ANOS1: variants seen among roughly 807,000 people sequenced by gnomAD.
ANOS1 encodes anosmin-1.
Under a neutral mutation model 59.0 loss-of-function variants are expected in ANOS1, and 6 were observed. That is an observed-to-expected ratio of 0.10 (90% CI 0.06 to 0.20). The LOEUF (loss-of-function observed/expected upper bound fraction) is 0.20. Among genes scored for constraint, ANOS1 ranks in the 10% least tolerant of loss-of-function variants. The probability of loss-of-function intolerance (pLI) is 1.00; values close to 1 mark genes in which losing one functional copy is unlikely to be tolerated. For missense variants in ANOS1, 433 were observed against 542.3 expected (o/e 0.80, Z 2.00); for synonymous variants, 217 against 223.4 (o/e 0.97, Z 0.25).
intron 6 of ANOS1, among the ~76,000 whole-genome samples, chrX:8,582,988 T>C (rs1441124584): frequency 1.8e-5 from 2 of 111,720 alleles, no homozygotes; most frequent in Non-Finnish European, 3.8e-5. Context: ...AAGAGCAGCA[T>C]TGCCGATTAC....
At chrX:8,565,540 C>T (rs1930095897) in intron 8 of ANOS1, among the ~76,000 whole-genome samples, 1 of 111,951 alleles carries the variant, frequency 8.9e-6, no homozygotes, top group Non-Finnish European at 1.9e-5. Context: ...AGAGCAGAAA[C>T]ATAATACTAA....
chrX:8,605,747 C>T (rs970156004), intron 3 of ANOS1, among the ~76,000 whole-genome samples: 3 of 109,596 alleles, frequency 2.7e-5, no homozygotes, highest in Non-Finnish European at 5.7e-5. Context: ...GGTTATGTTC[C>T]AAGAATAACT....
intron 6 of ANOS1, among the ~76,000 whole-genome samples, chrX:8,576,491 TACACACACACACACAC>T (rs769843705): frequency 1.1e-5 from 1 of 93,468 alleles, no homozygotes; most frequent in African/African-American, 3.9e-5. Context: ...CACACACACA[TACACACACACACACAC>T]ACACACACAC....
At chrX:8,684,830 G>A (rs751814573) in intron 2 of ANOS1, among the ~76,000 whole-genome samples, 40 of 110,816 alleles carry the variant, frequency 3.6e-4, no homozygotes, top group Admixed American at 5.8e-4. Flanking sequence ...GAGACTTGCA[G>A]CCATCAAAAG....
chrX:8,668,937 C>A (rs547242854), intron 2 of ANOS1, among the ~76,000 whole-genome samples: 2 of 111,753 alleles, frequency 1.8e-5, no homozygotes, highest in African/African-American at 6.5e-5. Context: ...TCTCCAGAGC[C>A]TGGTAGGAGT....
intron 6 of ANOS1, among the ~76,000 whole-genome samples, chrX:8,577,144 C>G (rs1930342626): frequency 1.8e-5 from 2 of 112,052 alleles, no homozygotes; most frequent in Non-Finnish European, 3.8e-5. Flanking sequence ...AAGTGTGAAA[C>G]CATTAGGTTT....
At chrX:8,540,369 G>A (rs1407244342) in intron 9 of ANOS1, among the ~76,000 whole-genome samples, 2 of 111,061 alleles carry the variant, frequency 1.8e-5, no homozygotes, top group Non-Finnish European at 1.9e-5. Flanking sequence ...TTAACCAAGC[G>A]CATCGTGGCA....
At chrX:8,574,209 T>C (rs529844289) in intron 6 of ANOS1, among the ~76,000 whole-genome samples, 36 of 109,237 alleles carry the variant, frequency 3.3e-4, no homozygotes, top group African/African-American at 1.1e-3. Context: ...TCCCTTTGCC[T>C]AAACGCTTTC....
chrX:8,662,403 CT>C (rs1350675375), intron 2 of ANOS1, among the ~76,000 whole-genome samples: 1 of 111,758 alleles, frequency 8.9e-6, no homozygotes, highest in Non-Finnish European at 1.9e-5. Context: ...TGGTTTTCAT[CT>C]TCGCGGGCCA....
intron 2 of ANOS1, among the ~76,000 whole-genome samples, chrX:8,647,638 T>C (rs769984893): frequency 1.5e-4 from 17 of 112,144 alleles, no homozygotes; most frequent in African/African-American, 5.2e-4. Context: ...GGAATCTTTA[T>C]GTAAAAAAAA....
intron 3 of ANOS1, among the ~76,000 whole-genome samples, chrX:8,603,029 G>A (rs1294389219): frequency 3.6e-5 from 4 of 111,736 alleles, no homozygotes; most frequent in East Asian, 2.8e-4. Flanking sequence ...GTGAGCCACC[G>A]CACCCAGCCA....
At chrX:8,610,379 G>A (rs369265333) in intron 3 of ANOS1, among the ~76,000 whole-genome samples, 3 of 111,745 alleles carry the variant, frequency 2.7e-5, no homozygotes, top group East Asian at 2.8e-4. Flanking sequence ...ATGATTTGAC[G>A]TAGTTTCAAA....
intron 2 of ANOS1, among the ~76,000 whole-genome samples, chrX:8,688,802 C>G (rs921427439): frequency 2.7e-5 from 3 of 112,216 alleles, no homozygotes; most frequent in African/African-American, 9.7e-5. Context: ...CATGTTCTTT[C>G]AGCAGACAGG....
intron 8 of ANOS1, among the ~76,000 whole-genome samples, chrX:8,558,384 GT>G (rs1223566026): frequency 2.0e-4 from 21 of 103,621 alleles, no homozygotes; most frequent in South Asian, 1.3e-3. Context: ...TTAACTGTCT[GT>G]TTTTTTTTTA....
At chrX:8,579,265 C>T (rs1930381333) in intron 6 of ANOS1, among the ~76,000 whole-genome samples, 2 of 111,684 alleles carry the variant, frequency 1.8e-5, no homozygotes. Context: ...TTGGTCATTC[C>T]CAAAATCTGG....
At chrX:8,633,655 A>ATATT (rs994665552) in intron 2 of ANOS1, among the ~76,000 whole-genome samples, 1 of 111,780 alleles carries the variant, frequency 8.9e-6, no homozygotes, top group African/African-American at 3.3e-5. Context: ...AGGATCAAAG[A>ATATT]TATTGCCTCC....
intron 8 of ANOS1, among the ~76,000 whole-genome samples, chrX:8,562,375 T>C (rs1454393660): frequency 8.9e-6 from 1 of 111,804 alleles, no homozygotes; most frequent in Admixed American, 9.5e-5. Flanking sequence ...ACACACGCCA[T>C]GGGTAAAAAA....
chrX:8,566,042 C>T (rs766888772), intron 8 of ANOS1: 3 of 754,777 alleles, frequency 4.0e-6, no homozygotes, highest in Non-Finnish European at 4.7e-6. Context: ...ATGCAATGCG[C>T]TTCTCTAACT....
intron 3 of ANOS1, among the ~76,000 whole-genome samples, chrX:8,622,610 C>T (rs746314758): frequency 6.3e-5 from 7 of 111,794 alleles, no homozygotes; most frequent in African/African-American, 9.8e-5. Context: ...ACTGAGCTCT[C>T]CTGACTGCCA....
Sources: allele counts gnomAD v4.1 joint callset (sites outside exome capture counted in the v4.1 genomes callset), GRCh38; gene constraint gnomAD v4.1.1; transcripts MANE v1.5; gene names NCBI Gene and HGNC (gene_info 2026-07-23, HGNC 2026-07-21).